Variants in ABCC1 observed in about 807,000 individuals in gnomAD.
ABCC1 encodes multidrug resistance-associated protein 1.
In ABCC1, 83 loss-of-function variants were observed where a neutral mutation model predicts 172.9. The observed-to-expected ratio is 0.48, with a 90% confidence interval of 0.40 to 0.58. The LOEUF (loss-of-function observed/expected upper bound fraction) is 0.58, where lower values mean the gene tolerates loss of function less well. ABCC1 is among the 20% of genes least tolerant of loss of function. The probability of loss-of-function intolerance (pLI) is 0.00; values close to 1 mark genes in which losing one functional copy is unlikely to be tolerated. For missense variants in ABCC1, 1,817 were observed against 2,002.7 expected (o/e 0.91, Z 1.77); for synonymous variants, 937 against 825.2 (o/e 1.14, Z -2.32).
At chr16:16,040,778 A>T (rs1464676553) in intron 7 of ABCC1, among the ~76,000 whole-genome samples, 3 of 151,622 alleles carry the variant, frequency 2.0e-5, no homozygotes, top group Admixed American at 6.6e-5. Flanking sequence ...GTGAGCCACC[A>T]CACCCAGCTG....
chr16:15,949,881 G>A, intron 1 of ABCC1, 82 bp downstream of exon 1: 1 of 1,120,852 alleles, frequency 8.9e-7, no homozygotes, highest in Non-Finnish European at 1.1e-6. Context: ...CAGCCGCCCG[G>A]GGCACCCCGC....
intron 23 of ABCC1, among the ~76,000 whole-genome samples, chr16:16,116,513 A>G (rs9673916): frequency 0.011 from 1,737 of 152,268 alleles, 37 homozygotes; most frequent in African/African-American, 0.04. Flanking sequence ...AAATAGAACA[A>G]TTATAACAAT....
chr16:15,985,502 T>C (rs1306739313), intron 1 of ABCC1, among the ~76,000 whole-genome samples: 2 of 152,142 alleles, frequency 1.3e-5, no homozygotes, highest in African/African-American at 4.8e-5. Context: ...TGGAGTGCAA[T>C]GGCACCATCT....
chr16:16,048,773 G>A (rs532170057), intron 10 of ABCC1, among the ~76,000 whole-genome samples: 34 of 152,298 alleles, frequency 2.2e-4, no homozygotes, highest in African/African-American at 6.7e-4. Flanking sequence ...GATCACCTGA[G>A]ATCAGGAGTT....
At chr16:16,115,228 T>G in intron 23 of ABCC1, 152 bp downstream of exon 23, 1 of 900,340 alleles carries the variant, frequency 1.1e-6, no homozygotes. Context: ...CCTAAATTGT[T>G]TTTTTGCTCA....
chr16:16,088,855 C>T (rs1350844530), intron 18 of ABCC1, among the ~76,000 whole-genome samples: 1 of 152,144 alleles, frequency 6.6e-6, no homozygotes, highest in Non-Finnish European at 1.5e-5. Context: ...AGGCATGCAG[C>T]ACCATGCCTG....
intron 14 of ABCC1, among the ~76,000 whole-genome samples, chr16:16,075,886 CT>C (rs1567376397): frequency 6.6e-6 from 1 of 152,180 alleles, no homozygotes. Flanking sequence ...CGGTCTGATG[CT>C]GGCCACCCCA....
At chr16:16,062,024 C>T (rs1287647793) in intron 12 of ABCC1, among the ~76,000 whole-genome samples, 1 of 152,124 alleles carries the variant, frequency 6.6e-6, no homozygotes, top group South Asian at 2.1e-4. Flanking sequence ...CCGCCTGCCT[C>T]TGTCTCCCAA....
intron 12 of ABCC1, among the ~76,000 whole-genome samples, chr16:16,057,738 T>A (rs1047263059): frequency 6.6e-6 from 1 of 152,076 alleles, no homozygotes; most frequent in Non-Finnish European, 1.5e-5. Flanking sequence ...CAATATATAG[T>A]CTTGGTTCGT....
At chr16:16,051,966 C>T (rs888610414) in intron 10 of ABCC1, among the ~76,000 whole-genome samples, 1 of 148,328 alleles carries the variant, frequency 6.7e-6, no homozygotes, top group South Asian at 2.1e-4. Flanking sequence ...TGTGATGGCT[C>T]GCGCCTGTAA....
At chr16:16,080,648 C>T (rs2050770345) in intron 16 of ABCC1, among the ~76,000 whole-genome samples, 1 of 152,152 alleles carries the variant, frequency 6.6e-6, no homozygotes, top group Non-Finnish European at 1.5e-5. Context: ...CTCAAAGAAG[C>T]GTGGGAAATA....
At position 16,033,071 on chromosome 16, in the gene ABCC1, T is replaced by TCCCTCTTCCTCC. The variant is rs3830390; in HGVS notation, c.616-36_616-25dup. The TCCCTCTTCCTCC allele has an allele frequency of 2.1e-4, 331 of 1,599,624 alleles. 3 individuals are homozygous for TCCCTCTTCCTCC. In the East Asian group the frequency reaches 6.4e-3, roughly 31 times the overall value. On this transcript the variant is annotated intron_variant, in intron 5 of 30. Transcript: ENST00000399410. ...TGGATGAAAAGTCAAATCATTCCTT[T>TCCCTCTTCCTCC]CCCTCTTCCTCCCAAACCTGTGCTT...
intron 1 of ABCC1, among the ~76,000 whole-genome samples, chr16:15,966,450 A>G (rs896996381): frequency 2.7e-5 from 4 of 150,160 alleles, no homozygotes; most frequent in Non-Finnish European, 5.9e-5. Context: ...GGGTTCCTCC[A>G]TCAGCCTTGT....
intron 19 of ABCC1, among the ~76,000 whole-genome samples, chr16:16,096,026 G>A (rs1259000872): frequency 1.3e-5 from 2 of 152,102 alleles, no homozygotes; most frequent in East Asian, 3.9e-4. Flanking sequence ...CAGGACTTTG[G>A]GAGGCCAAGG....
chr16:16,119,310 G>A (rs1032432714), intron 23 of ABCC1, among the ~76,000 whole-genome samples: 6 of 152,156 alleles, frequency 3.9e-5, no homozygotes, highest in African/African-American at 7.2e-5. Flanking sequence ...GTGTGGTGGC[G>A]TGAACCTGTA....
chr16:16,124,746 G>A (rs766161793), intron 24 of ABCC1, 43 bp from the exon 25 acceptor site: 3 of 1,613,132 alleles, frequency 1.9e-6, no homozygotes, highest in South Asian at 2.2e-5. Context: ...TCTCTGTAGA[G>A]CTGACTCCAT....
chr16:16,006,453 C>G (rs2047535096), intron 1 of ABCC1, among the ~76,000 whole-genome samples: 1 of 151,536 alleles, frequency 6.6e-6, no homozygotes, highest in Non-Finnish European at 1.5e-5. Flanking sequence ...TTAAATTCTT[C>G]ATTACAGAAC....
chr16:16,070,019 T>G (rs1286791806), intron 13 of ABCC1, among the ~76,000 whole-genome samples: 1 of 145,780 alleles, frequency 6.9e-6, no homozygotes, highest in Non-Finnish European at 1.5e-5. Context: ...GGCGACTGAG[T>G]GAGACTCAGT....
intron 1 of ABCC1, among the ~76,000 whole-genome samples, chr16:15,962,133 C>T (rs1424636093): frequency 2.0e-5 from 3 of 152,178 alleles, no homozygotes; most frequent in Non-Finnish European, 2.9e-5. Flanking sequence ...TGATCAGGCC[C>T]ATGTTGCTTG....
Sources: gnomAD v4.1 joint callset for allele counts (sites outside exome capture counted in the v4.1 genomes callset) on GRCh38, gnomAD v4.1.1 for gene constraint, MANE v1.5 for transcripts, NCBI Gene and HGNC (gene_info 2026-07-23, HGNC 2026-07-21) for gene names.